MYLIP: variants seen among roughly 807,000 people sequenced by gnomAD.
The protein encoded by MYLIP is myosin regulatory light chain interacting protein.
MYLIP carries 26 observed loss-of-function variants against 45.8 expected under a neutral mutation model. That is an observed-to-expected ratio of 0.57 (90% CI 0.42 to 0.79). MYLIP has a LOEUF of 0.79. Ranked by LOEUF, MYLIP falls within the 30% of genes least tolerant of loss-of-function variation. MYLIP has a pLI of 0.00. For synonymous variants in MYLIP, 213 were observed against 218.1 expected (o/e 0.98, Z 0.21); for missense variants, 494 against 555.6 (o/e 0.89, Z 1.11).
At chr6:16,158,628 G>A in the MYLIP span, among the ~76,000 whole-genome samples, 5 of 152,134 alleles carry the variant, frequency 3.3e-5, no homozygotes, top group Non-Finnish European at 4.4e-5. Flanking sequence ...GGGACAAGTC[G>A]AATAAGCTCT....
chr6:16,157,842 A>G, the MYLIP span, among the ~76,000 whole-genome samples: 1 of 152,270 alleles, frequency 6.6e-6, no homozygotes, highest in Non-Finnish European at 1.5e-5. Context: ...TAGGAAGGAA[A>G]TCAGTTAAAT....
intron 4 of MYLIP, 141 bp from the exon 5 acceptor site, chr6:16,143,558 C>A: frequency 1.2e-6 from 1 of 844,328 alleles, no homozygotes; most frequent in Non-Finnish European, 1.8e-6. Context: ...AATAAGGCAG[C>A]ATTATGGTGA....
downstream of MYLIP, among the ~76,000 whole-genome samples, chr6:16,151,279 C>T (rs1759876986): frequency 6.6e-6 from 1 of 151,684 alleles, no homozygotes; most frequent in South Asian, 2.1e-4. Flanking sequence ...ATGGTGTGAA[C>T]CCAGGAGGCA....
rs1194279447 is a variant in MYLIP, at chr6:16,143,715, G to A, written c.679G>A (p.Val227Met). 4 of 1,614,072 alleles carry A rather than the reference G, an allele frequency of 2.5e-6. No homozygotes were observed. In the Admixed American group the frequency reaches 5.0e-5, roughly 20 times the overall value. The change falls in exon 5 of 7, where the codon GTG (valine) becomes ATG (methionine). Residue 227 changes from valine to methionine, a missense_variant. By Grantham distance (21) the Val-to-Met change is conservative. Coordinates refer to ENST00000356840, the MANE Select transcript of MYLIP (RefSeq NM_013262.4). Reference protein sequence around the residue: ...SPINRIAYPVVQMATQSGKNV... With the variant: ...SPINRIAYPVMQMATQSGKNV... ...GTCTCTTAGGATAGCTTATCCTGTG[G>A]TGCAGATGGCCACCCAGTCAGGAAA...
At chr6:16,151,335 C>A (rs542902461), downstream of MYLIP, among the ~76,000 whole-genome samples, 9 of 149,180 alleles carry the variant, frequency 6.0e-5, no homozygotes, top group Non-Finnish European at 1.3e-4. Context: ...TTGGACTGGG[C>A]GACAGAGTGA....
rs1759731171 is a variant in MYLIP, at chr6:16,143,880, C to T, written c.827+17C>T. ...ATTCTACAGGCACGTATCTCGTGTG[C>T]TTGGTCACCTCAGCACCACAGCTCT... On this transcript the variant is annotated intron_variant, in intron 5 of 6. Transcript: ENST00000356840. 6.2e-7 allele frequency: 1 copy of T among 1,609,182 alleles called. No individual in the cohort carries two copies. The highest frequency in any genetic ancestry group is 1.1e-5 in the South Asian group (1 of 90,720).
chr6:16,160,951 T>G, the MYLIP span: 3 of 153,928 alleles, frequency 1.9e-5, no homozygotes, highest in Non-Finnish European at 4.3e-5. Flanking sequence ...CTCTGCGCCA[T>G]GGCCTTTGAC....
At chr6:16,152,825 G>A (rs1418559598), downstream of MYLIP, among the ~76,000 whole-genome samples, 3 of 152,170 alleles carry the variant, frequency 2.0e-5, no homozygotes, top group Admixed American at 1.3e-4. Flanking sequence ...GCCAGGTAGG[G>A]AAGGTGGGTG....
At chr6:16,140,629 C>T (rs1759650108) in intron 2 of MYLIP, among the ~76,000 whole-genome samples, 1 of 152,106 alleles carries the variant, frequency 6.6e-6, no homozygotes, top group South Asian at 2.1e-4. Context: ...ACAGAGGGAG[C>T]AGCAAGACCA....
the MYLIP span, among the ~76,000 whole-genome samples, chr6:16,160,231 TA>T: frequency 6.6e-6 from 1 of 152,194 alleles, no homozygotes; most frequent in Non-Finnish European, 1.5e-5. Context: ...CCTAGAGCCA[TA>T]TATACCACAA....
the MYLIP span, among the ~76,000 whole-genome samples, chr6:16,158,053 T>C: frequency 6.6e-6 from 1 of 152,186 alleles, no homozygotes; most frequent in Non-Finnish European, 1.5e-5. Context: ...GCCACTAGGA[T>C]CCTCTTTGAC....
At chr6:16,150,566 T>C (rs1759863669), downstream of MYLIP, among the ~76,000 whole-genome samples, 1 of 152,130 alleles carries the variant, frequency 6.6e-6, no homozygotes, top group Admixed American at 6.5e-5. Flanking sequence ...CAGTGGTGCA[T>C]GCTTGTAGTT....
chr6:16,143,638 A>G (rs1408931963), intron 4 of MYLIP, 61 bp from the exon 5 acceptor site: 2 of 1,572,064 alleles, frequency 1.3e-6, no homozygotes, highest in Middle Eastern at 1.7e-4. Flanking sequence ...CCACAAAGGC[A>G]CACACATGGT....
chr6:16,147,385 T>C lies in MYLIP; in HGVS notation c.*634T>C, dbSNP rs987137722. ...CTAGTAAAAAGCAGCTCACTCAATG[T>C]GGGTGGCTCCCTATTCCTTTACGCT... On this transcript the variant is annotated 3_prime_UTR_variant, in exon 7 of 7. Transcript: ENST00000356840. The C allele has an allele frequency of 6.5e-6, 1 of 152,964 alleles. No homozygotes were observed. Among genetic ancestry groups the C allele is most frequent in the Non-Finnish European group, 1.5e-5 (1 of 68,290 alleles). 9.5% of individuals were successfully genotyped at this position (152,964 alleles called of 1,614,324 possible).
chr6:16,129,509 G>C lies in MYLIP; in HGVS notation c.87+100G>C. 1.6e-6 allele frequency: 2 copies of C among 1,216,410 alleles called. No homozygotes were observed. The highest frequency in any genetic ancestry group is 1.4e-5 in the South Asian group (1 of 72,308). 75.4% of individuals were successfully genotyped at this position (1,216,410 alleles called of 1,614,324 possible). A position where few individuals can be genotyped will look rare whatever the true frequency, so the allele number is the denominator to read the frequency against. ...CTGGCGCGCCCCCTACTAGGGGCCG[G>C]GAGGCACTGCGGCGGCAGCCGGGGG... On this transcript the variant is annotated intron_variant, in intron 1 of 6. Coordinates refer to ENST00000356840, the MANE Select transcript of MYLIP (RefSeq NM_013262.4). The surrounding 1 kb of genome is among the most constrained non-coding windows in gnomAD (Gnocchi z 5.1).
downstream of MYLIP, among the ~76,000 whole-genome samples, chr6:16,150,504 A>G (rs553196963): frequency 2.8e-4 from 43 of 152,260 alleles, no homozygotes; most frequent in Non-Finnish European, 4.9e-4. Context: ...TGGGTTTTAA[A>G]TAGGAGGCCC....
chr6:16,158,575 C>T, the MYLIP span, among the ~76,000 whole-genome samples: 4 of 152,200 alleles, frequency 2.6e-5, no homozygotes, highest in Non-Finnish European at 4.4e-5. Flanking sequence ...AGCATCATCT[C>T]CATCAGGATT....
chr6:16,157,917 C>T, the MYLIP span, among the ~76,000 whole-genome samples: 107 of 152,302 alleles, frequency 7.0e-4, no homozygotes, highest in Non-Finnish European at 1.2e-3. Context: ...ATTCTTCATT[C>T]GCTTTAATCA....
At chr6:16,130,204 A>G (rs868486794) in intron 1 of MYLIP, among the ~76,000 whole-genome samples, 3 of 152,366 alleles carry the variant, frequency 2.0e-5, no homozygotes, top group Middle Eastern at 6.8e-3. Context: ...TAAGTCGCCA[A>G]AAATCAGCTG....
Sources: gnomAD v4.1 joint callset for allele counts (sites outside exome capture counted in the v4.1 genomes callset) on GRCh38, gnomAD v4.1.1 for gene constraint, Gnocchi (gnomAD v3.1) non-coding constraint, MANE v1.5 for transcripts, NCBI Gene and HGNC (gene_info 2026-07-23, HGNC 2026-07-21) for gene names.